Variants in CALM2 observed in about 807,000 individuals in gnomAD.
The protein encoded by CALM2 is calmodulin 2, also known as calmodulin-2.
A neutral mutation model predicts 19.8 loss-of-function variants in CALM2; 2 were observed. The observed-to-expected ratio is 0.10, with a 90% CI of 0.04 to 0.32. CALM2 has a LOEUF of 0.32. Among genes scored for constraint, CALM2 ranks in the 10% least tolerant of loss-of-function variants. The probability of loss-of-function intolerance (pLI) is 1.00; values close to 1 mark genes in which losing one functional copy is unlikely to be tolerated. For missense variants in CALM2, 38 were observed against 178.7 expected (o/e 0.21, Z 4.49); for synonymous variants, 51 against 52.1 (o/e 0.98, Z 0.09).
At chr2:47,161,630 G>GGC in intron 5 of CALM2, 93 bp downstream of exon 5, 4 of 1,192,862 alleles carry the variant, frequency 3.4e-6, no homozygotes, top group Non-Finnish European at 4.7e-6. Flanking sequence ...TAATTTCAGG[G>GGC]GAAGGGTCAC....
upstream of CALM2, chr2:47,176,649 C>T: frequency 1.4e-6 from 2 of 1,477,456 alleles, no homozygotes; most frequent in Non-Finnish European, 1.8e-6. Context: ...CCCCTTTCTT[C>T]ACAGTTATTT....
intron 1 of CALM2, 190 bp from the exon 2 acceptor site, chr2:47,170,954 G>T: frequency 1.8e-6 from 1 of 570,288 alleles, no homozygotes. Context: ...TTAACTCCAA[G>T]TTTAAGATAT....
chr2:47,176,690 G>A (rs998729470), upstream of CALM2: 1 of 1,418,964 alleles, frequency 7.0e-7, no homozygotes, highest in Non-Finnish European at 9.2e-7. Flanking sequence ...AAGGAAAGTG[G>A]GCGAACGGAT....
chr2:47,161,004 G>T (rs1003461580), intron 5 of CALM2, among the ~76,000 whole-genome samples, 200 bp from the exon 6 acceptor site: 1 of 152,062 alleles, frequency 6.6e-6, no homozygotes, highest in Non-Finnish European at 1.5e-5. Flanking sequence ...AGGTTTATTA[G>T]TAAGAGCCAA....
chr2:47,160,821 A>G lies in CALM2; in HGVS notation c.422-17T>C. 1 of 1,425,112 alleles carries G rather than the reference A, an allele frequency of 7.0e-7. No homozygotes were observed. Among genetic ancestry groups the G allele is most frequent in the African/African-American group, 1.5e-5 (1 of 68,844 alleles). 88.3% of individuals were successfully genotyped at this position (1,425,112 alleles called of 1,614,324 possible). A position where few individuals can be genotyped will look rare whatever the true frequency, so the allele number is the denominator to read the frequency against. ...GTACAAACTCTGAAAAAGAAGAAGTACACAAAAAATGAGTCAATAGCAAAA... is the reference window on the plus strand; with the variant it reads ...GTACAAACTCTGAAAAAGAAGAAGTGCACAAAAAATGAGTCAATAGCAAAA... On this transcript the variant is annotated splice_polypyrimidine_tract_variant and intron_variant, in intron 5 of 5. Transcript: ENST00000272298.
upstream of CALM2, chr2:47,176,665 A>G (rs903085817): frequency 6.5e-5 from 94 of 1,455,032 alleles, no homozygotes; most frequent in Admixed American, 2.8e-4. Context: ...TATTTGGTCG[A>G]TGAGGCAAGA....
upstream of CALM2, chr2:47,176,765 C>T: frequency 2.0e-6 from 2 of 985,444 alleles, no homozygotes; most frequent in Non-Finnish European, 2.4e-6. Context: ...CTGAGGGGCG[C>T]TACTTTGCGG....
chr2:47,167,871 C>A (rs2103838497), intron 2 of CALM2, among the ~76,000 whole-genome samples: 1 of 140,300 alleles, frequency 7.1e-6, no homozygotes, highest in East Asian at 2.0e-4. Context: ...TGGGCTCAAG[C>A]AATCCCACTG....
At chr2:47,172,201 G>A in intron 1 of CALM2, 6 of 265,200 alleles carry the variant, frequency 2.3e-5, no homozygotes, top group South Asian at 2.1e-4. Context: ...TGTATTAATA[G>A]AAGCTACATT....
intron 2 of CALM2, among the ~76,000 whole-genome samples, chr2:47,168,719 A>C (rs575938558): frequency 1.4e-4 from 21 of 152,164 alleles, no homozygotes; most frequent in Non-Finnish European, 2.6e-4. Flanking sequence ...TCTCAAAATA[A>C]ATTAAAAAAT....
chr2:47,161,984 C>G (rs559193755), intron 4 of CALM2, 126 bp from the exon 5 acceptor site: 12 of 779,394 alleles, frequency 1.5e-5, no homozygotes, highest in East Asian at 1.3e-4. Flanking sequence ...GCATACAAAT[C>G]TACACAGTTG....
At chr2:47,168,780 A>G (rs995810454) in intron 2 of CALM2, among the ~76,000 whole-genome samples, 2 of 39,928 alleles carry the variant, frequency 5.0e-5, no homozygotes, top group African/African-American at 2.1e-4. Context: ...CAATAGACAC[A>G]AACTTTTTTT....
At chr2:47,176,580 A>T (rs890802918), upstream of CALM2, 3 of 1,546,978 alleles carry the variant, frequency 1.9e-6, no homozygotes, top group African/African-American at 1.4e-5. Context: ...CCGCATCCAG[A>T]TAACGGAACA....
At chr2:47,171,492 A>T (rs1666666692) in intron 1 of CALM2, 1 of 152,274 alleles carries the variant, frequency 6.6e-6, no homozygotes, top group African/African-American at 2.4e-5. Flanking sequence ...GCTAGGGTTA[A>T]GTGGGATTGG....
chr2:47,176,277 C>T, intron 1 of CALM2, 164 bp downstream of exon 1: 2 of 789,476 alleles, frequency 2.5e-6, no homozygotes, highest in Non-Finnish European at 4.0e-6. Context: ...GGGGGAGCAC[C>T]TGCGACACAA....
At chr2:47,175,806 G>T (rs1487880995) in intron 1 of CALM2, among the ~76,000 whole-genome samples, 1 of 148,064 alleles carries the variant, frequency 6.8e-6, no homozygotes, top group Non-Finnish European at 1.5e-5. Context: ...CGGGTCCCGC[G>T]AGGCGCTCGC....
In CALM2 at chr2:47,162,500, C is replaced by A; in HGVS notation, c.178+19G>T. The A allele has an allele frequency of 6.2e-7, 1 of 1,614,050 alleles. No individual in the cohort carries two copies. Among genetic ancestry groups the A allele is most frequent in the Non-Finnish European group, 8.5e-7 (1 of 1,179,940 alleles). Reference sequence around the variant, plus strand: ...TCACTTCTTCAACCCCTCCCAGCCCCACAAAATTGAAGACTTACCATCAGC... The same window carrying A: ...TCACTTCTTCAACCCCTCCCAGCCCAACAAAATTGAAGACTTACCATCAGC... On this transcript the variant is annotated intron_variant, in intron 3 of 5. Transcript: ENST00000272298.
intron 1 of CALM2, chr2:47,171,603 T>C (rs1036998386): frequency 5.3e-4 from 80 of 152,288 alleles, no homozygotes; most frequent in African/African-American, 1.7e-3. Flanking sequence ...ATAAAGATGA[T>C]TGCAAAATAT....
intron 1 of CALM2, chr2:47,172,480 C>T: frequency 8.4e-7 from 1 of 1,189,180 alleles, no homozygotes; most frequent in Non-Finnish European, 1.1e-6. Flanking sequence ...AAATGATAAC[C>T]ATTATTTCAT....
Sources: gnomAD v4.1 joint callset for allele counts (sites outside exome capture counted in the v4.1 genomes callset) on GRCh38, gnomAD v4.1.1 for gene constraint, MANE v1.5 for transcripts, NCBI Gene and HGNC (gene_info 2026-07-23, HGNC 2026-07-21) for gene names.